The following ASL variants were observed in gnomAD, a reference collection of about 807,000 sequenced individuals.
ASL encodes argininosuccinate lyase.
In ASL, 51 loss-of-function variants were observed where a neutral mutation model predicts 69.1. The ratio of observed to expected loss-of-function variants is 0.74; its 90% confidence interval spans 0.59 to 0.93. The LOEUF (loss-of-function observed/expected upper bound fraction) is 0.93, where lower values mean the gene tolerates loss of function less well. Among genes scored for constraint, ASL ranks in the 40% least tolerant of loss-of-function variants. The pLI, the probability that ASL is intolerant of heterozygous loss-of-function variation, is 0.00. For missense variants in ASL, 540 were observed against 623.9 expected, an observed-to-expected ratio of 0.87 and a Z score of 1.43; for synonymous variants, 241 against 247.6, an observed-to-expected ratio of 0.97 and a Z score of 0.25.
intron 15 of ASL, 38 bp downstream of exon 15, chr7:66,092,124 G>T (rs1235078156): frequency 6.2e-7 from 1 of 1,603,062 alleles, no homozygotes. Context: ...TGAGGAGATG[G>T]GGTGCCCCCC....
At chr7:66,092,480 A>C in intron 15 of ASL, 77 bp from the exon 16 acceptor site, 5 of 1,275,360 alleles carry the variant, frequency 3.9e-6, no homozygotes, top group South Asian at 1.3e-5. Context: ...AAAAAAAAGG[A>C]AGGGGGTGCA....
chr7:66,092,535 C>T, intron 15 of ASL, 22 bp from the exon 16 acceptor site: 1 of 1,601,582 alleles, frequency 6.2e-7, no homozygotes, highest in Non-Finnish European at 8.5e-7. Context: ...GCCTCAGCGC[C>T]ATCTTCCTCC....
At chr7:66,078,647 A>T (rs879701817) in intron 2 of ASL, among the ~76,000 whole-genome samples, 2 of 151,724 alleles carry the variant, frequency 1.3e-5, no homozygotes, top group Admixed American at 6.6e-5. Flanking sequence ...TATTATTATT[A>T]TTTTTAAGAA....
intron 14 of ASL, chr7:66,091,773 C>T: frequency 1.7e-6 from 1 of 571,846 alleles, no homozygotes; most frequent in South Asian, 2.0e-5. Context: ...GATAAGGACT[C>T]TTTGAAAACA....
At chr7:66,091,940 C>T in intron 14 of ASL, 66 bp from the exon 15 acceptor site, 1 of 1,564,386 alleles carries the variant, frequency 6.4e-7, no homozygotes, top group Non-Finnish European at 8.8e-7. Flanking sequence ...AGGGGCAGGT[C>T]CTGGGCCTGG....
chr7:66,081,104 G>T (rs888920350), intron 2 of ASL, among the ~76,000 whole-genome samples: 5 of 152,198 alleles, frequency 3.3e-5, no homozygotes, highest in Admixed American at 3.3e-4. Flanking sequence ...CTGTGCCTCA[G>T]TTTCCCCATC....
At chr7:66,092,143 TG>T (rs1228241258) in intron 15 of ASL, 57 bp downstream of exon 15, 8 of 1,581,928 alleles carry the variant, frequency 5.1e-6, no homozygotes, top group African/African-American at 2.7e-5. Flanking sequence ...CCCCAGAGGG[TG>T]GGGGAGCTCA....
At chr7:66,084,443 T>C (rs1165780425) in intron 6 of ASL, among the ~76,000 whole-genome samples, 2 of 152,128 alleles carry the variant, frequency 1.3e-5, no homozygotes, top group African/African-American at 2.4e-5. Context: ...ATTACACCCA[T>C]AAGCCACTGC....
chr7:66,091,886 A>C, intron 14 of ASL, 120 bp from the exon 15 acceptor site: 1 of 943,954 alleles, frequency 1.1e-6, no homozygotes, highest in Non-Finnish European at 1.7e-6. Flanking sequence ...GACAGAGCCG[A>C]GTGGGTAAGA....
chr7:66,078,914 T>G (rs1465934796), intron 2 of ASL, among the ~76,000 whole-genome samples: 1 of 151,708 alleles, frequency 6.6e-6, no homozygotes, highest in African/African-American at 2.4e-5. Flanking sequence ...GGTTTTTGTT[T>G]TTGTTTTTGT....
intron 6 of ASL, among the ~76,000 whole-genome samples, chr7:66,083,500 C>T (rs1473554723): frequency 6.6e-6 from 1 of 151,952 alleles, no homozygotes; most frequent in East Asian, 1.9e-4. Flanking sequence ...GCCTGGCCAA[C>T]ATGGGAAAAC....
At chr7:66,087,446 C>G in intron 9 of ASL, 60 bp downstream of exon 9, 1 of 1,578,164 alleles carries the variant, frequency 6.3e-7, no homozygotes, top group Non-Finnish European at 8.6e-7. Flanking sequence ...CCAAGACCTG[C>G]AGACACACCT....
rs28940585 is a variant in ASL, at chr7:66,082,443, C to T, written c.283C>T (p.Arg95Cys). ...DEDIHTANER[R>C]LKELIGATAG... ...GGACATCCACACAGCCAATGAGCGC[C>T]GCCTGAAGGTACGACCCCTGGAGCC... Residue 95 changes from arginine (R) to cysteine (C), a missense_variant, in exon 4 of 17, where the codon CGC (arginine) becomes TGC (cysteine). Arg to Cys is a radical substitution (Grantham distance 180). Transcript: ENST00000304874. 22 of 1,609,838 alleles carry T rather than the reference C, an allele frequency of 1.4e-5. No homozygotes were observed. The highest frequency in any genetic ancestry group is 4.5e-5 in the East Asian group (2 of 44,766).
chr7:66,080,317 T>C (rs1365029665), intron 2 of ASL, among the ~76,000 whole-genome samples: 28 of 121,968 alleles, frequency 2.3e-4, no homozygotes, highest in African/African-American at 9.0e-4. Context: ...ATCTGGGAGG[T>C]GGAGCTTGCA....
At chr7:66,080,243 A>G (rs1786461833) in intron 2 of ASL, among the ~76,000 whole-genome samples, 1 of 151,288 alleles carries the variant, frequency 6.6e-6, no homozygotes, top group Admixed American at 6.6e-5. Flanking sequence ...AAAATTAGCC[A>G]GGCATGGTGG....
At position 66,086,803 on chromosome 7, in the gene ASL, A is replaced by G. The variant is rs1409298819; in HGVS notation, c.584A>G (p.Asn195Ser). Residue 195 changes from asparagine to serine, a missense_variant, in exon 8 of 17, where the codon AAT (asparagine) becomes AGT (serine). By Grantham distance (46) the Asn-to-Ser change is conservative. Coordinates refer to ENST00000304874, the MANE Select transcript of ASL (RefSeq NM_000048.4). ...ERLLEVRKRI[N>S]VLPLGSGAIA... ...CTGCTGGAGGTGCGGAAGCGGATCA[A>G]TGTCCTGCCCCTGGGGAGGTGGGTG... is the stretch of plus-strand genomic sequence containing the variant. The G allele has an allele frequency of 3.2e-6, 5 of 1,584,770 alleles. No individual in the cohort carries two copies. Among genetic ancestry groups the G allele is most frequent in the Non-Finnish European group, 4.3e-6 (5 of 1,166,140 alleles).
chr7:66,077,736 G>GA (rs1455188905), intron 2 of ASL, among the ~76,000 whole-genome samples: 2 of 151,530 alleles, frequency 1.3e-5, no homozygotes, highest in Non-Finnish European at 2.9e-5. Flanking sequence ...CTCAAAAAAA[G>GA]AAAAAAAACC....
At chr7:66,087,549 C>A in intron 9 of ASL, 163 bp downstream of exon 9, 1 of 1,004,298 alleles carries the variant, frequency 1.0e-6, no homozygotes, top group Non-Finnish European at 1.5e-6. Flanking sequence ...TCACTCATGG[C>A]AGGGATGCCT....
chr7:66,081,505 G>T (rs1786501950), intron 2 of ASL, among the ~76,000 whole-genome samples: 1 of 151,858 alleles, frequency 6.6e-6, no homozygotes, highest in South Asian at 2.1e-4. Context: ...TCTTGAACCT[G>T]GGAGGCAGAG....
Sources: gnomAD v4.1 joint callset for allele counts (sites outside exome capture counted in the v4.1 genomes callset) on GRCh38, gnomAD v4.1.1 for gene constraint, MANE v1.5 for transcripts, NCBI Gene and HGNC (gene_info 2026-07-23, HGNC 2026-07-21) for gene names.